SSPN: variants seen among roughly 807,000 people sequenced by gnomAD.
SSPN encodes K-ras oncogene-associated protein.
Under a neutral mutation model 19.1 loss-of-function variants are expected in SSPN, and 15 were observed. The ratio of observed to expected loss-of-function variants is 0.78; its 90% CI spans 0.52 to 1.21. SSPN has a LOEUF of 1.21. Ranked by LOEUF, SSPN falls within the 50% of genes most tolerant of loss-of-function variation. The pLI, the probability that SSPN is intolerant of heterozygous loss-of-function variation, is 0.00. For missense variants in SSPN, 291 were observed against 314.0 expected, an observed-to-expected ratio of 0.93 and a Z score of 0.55; for synonymous variants, 147 against 140.3, an observed-to-expected ratio of 1.05 and a Z score of -0.34.
intron 1 of SSPN, among the ~76,000 whole-genome samples, chr12:26,177,373 A>G (rs1057454812): frequency 2.0e-5 from 3 of 152,130 alleles, no homozygotes; most frequent in South Asian, 2.1e-4. Flanking sequence ...TAAATCTTGG[A>G]CCCCTGGACA....
rs1439094085 is a variant in SSPN at position 26,230,992 on chromosome 12, G to A, written c.648G>A (p.Met216Ile). Residue 216 changes from methionine (M) to isoleucine (I), a missense_variant, in exon 3 of 3, where the codon ATG (methionine) becomes ATA (isoleucine). Physicochemically the swap from Met to Ile is conservative, Grantham distance 10 (BLOSUM62 1). Transcript: ENST00000242729. ...TGTGCTTGTTGGCCTGCTTTGTGAT[G>A]TGGAAACATAGGTACCAGGTCTTCT... ...GLVCLLACFV[M>I]WKHRYQVFYV... is the part of the protein sequence containing the mutation. 6.2e-7 allele frequency: 1 copy of A among 1,614,086 alleles called. No individual in the cohort carries two copies. The highest frequency in any genetic ancestry group is 1.3e-5 in the African/African-American group (1 of 74,932).
chr12:26,223,858 C>T (rs61914486), intron 1 of SSPN, among the ~76,000 whole-genome samples: 2 of 152,130 alleles, frequency 1.3e-5, no homozygotes, highest in Admixed American at 6.5e-5. Flanking sequence ...ATTTCAAATC[C>T]GTGTCGTAAT....
intron 1 of SSPN, among the ~76,000 whole-genome samples, chr12:26,160,855 C>T (rs1433783436): frequency 2.6e-5 from 4 of 152,246 alleles, no homozygotes; most frequent in African/African-American, 7.2e-5. Flanking sequence ...CGCCTGCAAT[C>T]CCAGCACTTT....
At chr12:26,124,911 C>G (rs1944350057) in intron 1 of SSPN, 1 of 931,512 alleles carries the variant, frequency 1.1e-6, no homozygotes, top group Non-Finnish European at 1.7e-6. Context: ...CTCTTCAGTG[C>G]AGTGTTGAAA....
At chr12:26,135,121 A>G (rs1175962650) in intron 1 of SSPN, 1 of 152,244 alleles carries the variant, frequency 6.6e-6, no homozygotes, top group East Asian at 1.9e-4. Flanking sequence ...GAGCCAGTCC[A>G]GTCGAATTCC....
intron 1 of SSPN, chr12:26,124,528 G>T (rs752220142): frequency 6.2e-7 from 1 of 1,614,014 alleles, no homozygotes; most frequent in South Asian, 1.1e-5. Context: ...CCTTGGTGTC[G>T]TCTCGTTTCA....
chr12:26,232,244 A>C lies in SSPN; in HGVS notation c.*1168A>C. ...GTATGCTTAGTCAACCTAGGAAATC[A>C]AAATAATGTTTTGAAGTTCTTATTT... On this transcript the variant is annotated 3_prime_UTR_variant, in exon 3 of 3. Coordinates refer to ENST00000242729, the MANE Select transcript of SSPN (RefSeq NM_005086.5). 2 of 985,450 alleles carry C rather than the reference A, an allele frequency of 2.0e-6. No homozygotes were observed. Among genetic ancestry groups the C allele is most frequent in the Non-Finnish European group, 2.4e-6 (2 of 829,916 alleles). The allele number at this position is 985,450 out of a possible 1,614,324, so 61.0% of individuals were successfully genotyped here.
intron 1 of SSPN, among the ~76,000 whole-genome samples, chr12:26,200,382 G>T (rs777344815): frequency 7.9e-5 from 12 of 152,084 alleles, no homozygotes; most frequent in Non-Finnish European, 1.5e-4. Flanking sequence ...CAAGTTGCAG[G>T]TTTATTCAGG....
intron 1 of SSPN, chr12:26,125,170 A>G (rs962738367): frequency 2.3e-5 from 8 of 354,818 alleles, no homozygotes; most frequent in Non-Finnish European, 4.3e-5. Flanking sequence ...GAAGGCGGCG[A>G]GAGAAGGCGA....
At chr12:26,123,496 A>C in intron 1 of SSPN, 1 of 764,712 alleles carries the variant, frequency 1.3e-6, no homozygotes. Flanking sequence ...GGAAAGTATA[A>C]GCAATTTAAC....
chr12:26,196,044 C>G, intron 1 of SSPN, 93 bp downstream of exon 1: 2 of 1,075,886 alleles, frequency 1.9e-6, no homozygotes, highest in Non-Finnish European at 2.5e-6. Flanking sequence ...TGCATGTGCC[C>G]TTCCCCGGGT....
intron 1 of SSPN, among the ~76,000 whole-genome samples, chr12:26,217,890 A>G (rs538542468): frequency 2.8e-4 from 43 of 152,306 alleles, no homozygotes; most frequent in Non-Finnish European, 4.9e-4. Flanking sequence ...TAGTTCAACC[A>G]TTGTGGAAGT....
Position 26,137,656 on chromosome 12 carries a change from ATTTTTTT to A in SSPN, c.-31+15524_-31+15530del, listed in dbSNP as rs10597345. 1.7e-4 allele frequency among the ~76,000 whole-genome samples: 13 copies of A among 76,428 alleles called. 1 individual carries two copies. Among genetic ancestry groups the A allele is most frequent in the African/African-American group, 6.6e-4 (10 of 15,266 alleles). 50.1% of individuals were successfully genotyped at this position (76,428 alleles called of 152,430 possible). ...TGTATGTATATATATATATATATAT[ATTTTTTT>A]TTTTTTTTTTTTTTTTTTTGAGATG... is the stretch of plus-strand genomic sequence containing the variant. On this transcript the variant is annotated intron_variant, in intron 1 of 2. Coordinates refer to the SSPN transcript ENST00000538142.
chr12:26,139,327 A>C (rs912575253), intron 1 of SSPN, among the ~76,000 whole-genome samples: 1 of 152,216 alleles, frequency 6.6e-6, no homozygotes, highest in Non-Finnish European at 1.5e-5. Flanking sequence ...TTAAGGTGAA[A>C]GTCATACAGT....
chr12:26,126,337 G>A (rs1156894898), intron 1 of SSPN: 1 of 152,186 alleles, frequency 6.6e-6, no homozygotes, highest in Admixed American at 6.5e-5. Flanking sequence ...TATTTCTCTA[G>A]ATATACATAA....
intron 1 of SSPN, among the ~76,000 whole-genome samples, chr12:26,185,293 G>A (rs369982165): frequency 1.1e-3 from 164 of 152,322 alleles, no homozygotes; most frequent in African/African-American, 3.5e-3. Context: ...GTTCCTGCCC[G>A]TGAGGAGCAA....
intron 1 of SSPN, chr12:26,122,873 G>C (rs999959119): frequency 3.2e-6 from 5 of 1,558,484 alleles, no homozygotes; most frequent in African/African-American, 2.7e-5. Context: ...CGCAGTAGGC[G>C]AGGGGCTCCA....
intron 1 of SSPN, among the ~76,000 whole-genome samples, chr12:26,206,703 G>A (rs1175099673): frequency 2.6e-5 from 4 of 152,092 alleles, no homozygotes; most frequent in African/African-American, 7.2e-5. Flanking sequence ...ATAAACTATA[G>A]GTTGTTTATT....
At chr12:26,179,391 C>G (rs1412823651) in intron 1 of SSPN, among the ~76,000 whole-genome samples, 4 of 152,144 alleles carry the variant, frequency 2.6e-5, no homozygotes, top group Non-Finnish European at 5.9e-5. Context: ...GGATCTCACT[C>G]AAACTGATGG....
Sources: gnomAD v4.1 joint callset for allele counts (sites outside exome capture counted in the v4.1 genomes callset) on GRCh38, gnomAD v4.1.1 for gene constraint, MANE v1.5 for transcripts, NCBI Gene and HGNC (gene_info 2026-07-23, HGNC 2026-07-21) for gene names.